SLC16A14: variants seen among roughly 807,000 people sequenced by gnomAD.
SLC16A14 encodes solute carrier family 16 member 14.
A neutral mutation model predicts 35.8 loss-of-function variants in SLC16A14; 14 were observed. The ratio of observed to expected loss-of-function variants is 0.39; its 90% CI spans 0.26 to 0.61. SLC16A14 has a LOEUF of 0.61. SLC16A14 is among the 20% of genes least tolerant of loss of function. The pLI is 0.51. For synonymous variants in SLC16A14, 248 were observed against 258.9 expected (o/e 0.96, Z 0.40); for missense variants, 533 against 655.0 (o/e 0.81, Z 2.03).
At chr2:230,053,137 T>C (rs1216000830) in intron 2 of SLC16A14, among the ~76,000 whole-genome samples, 1 of 152,118 alleles carries the variant, frequency 6.6e-6, no homozygotes, top group Non-Finnish European at 1.5e-5. Context: ...GAGACAGGGT[T>C]TCACCATGTT....
At chr2:230,063,656 T>C in intron 1 of SLC16A14, among the ~76,000 whole-genome samples, 1 of 152,196 alleles carries the variant, frequency 6.6e-6, no homozygotes, top group Non-Finnish European at 1.5e-5. Context: ...TTTTGACATA[T>C]GTAATAATCT....
rs1004466007 is a variant in SLC16A14 at position 230,068,811 on chromosome 2, C to G, written c.-271G>C. On this transcript the variant is annotated 5_prime_UTR_variant, in exon 1 of 5. Coordinates refer to ENST00000295190, the MANE Select transcript of SLC16A14 (RefSeq NM_152527.5). This position sits in a 1 kb window ranked among gnomAD's most constrained non-coding sequence, Gnocchi z 5.1. ...GGAGCTGAAAGCTCGACGCCTCAGT[C>G]CAGGTGGCTTTAAAACGGGTGCGTT... is the stretch of plus-strand genomic sequence containing the variant. 2.0e-4 allele frequency: 31 copies of G among 152,666 alleles called. 1 individual carries two copies. Among genetic ancestry groups the G allele is most frequent in the African/African-American group, 6.5e-4 (27 of 41,552 alleles). 9.5% of individuals were successfully genotyped at this position (152,666 alleles called of 1,614,324 possible).
intron 2 of SLC16A14, among the ~76,000 whole-genome samples, chr2:230,051,242 C>G (rs369154616): frequency 2.6e-5 from 4 of 152,152 alleles, no homozygotes; most frequent in Non-Finnish European, 4.4e-5. Flanking sequence ...CTCACTGCAG[C>G]CTTCACCTCC....
chr2:230,060,043 C>T (rs1052125453), intron 1 of SLC16A14, among the ~76,000 whole-genome samples: 3 of 152,172 alleles, frequency 2.0e-5, no homozygotes, highest in African/African-American at 4.8e-5. Flanking sequence ...AACCCCATTC[C>T]TAGTATTTAC....
chr2:230,058,989 G>A, intron 2 of SLC16A14, 105 bp downstream of exon 2: 1 of 1,486,748 alleles, frequency 6.7e-7, no homozygotes, highest in Non-Finnish European at 8.9e-7. Context: ...ATAGTAGCTA[G>A]TAACATCCAA....
chr2:230,054,919 A>G (rs2077692742), intron 2 of SLC16A14, among the ~76,000 whole-genome samples: 1 of 152,116 alleles, frequency 6.6e-6, no homozygotes, highest in African/African-American at 2.4e-5. Context: ...AAGAAGAAGA[A>G]AAAAAGAAAA....
chr2:230,058,885 G>T, intron 2 of SLC16A14: 1 of 515,610 alleles, frequency 1.9e-6, no homozygotes, highest in Non-Finnish European at 2.5e-6. Context: ...CACCCAACTT[G>T]GCCTCCCAAA....
chr2:230,041,629 C>G (rs2106243876), intron 4 of SLC16A14, among the ~76,000 whole-genome samples: 1 of 152,196 alleles, frequency 6.6e-6, no homozygotes, highest in South Asian at 2.1e-4. Flanking sequence ...CGCACCCAGC[C>G]TATATTACAT....
chr2:230,049,236 A>T (rs1392975497), intron 3 of SLC16A14, among the ~76,000 whole-genome samples: 1 of 141,538 alleles, frequency 7.1e-6, no homozygotes. Context: ...CACTTGGCTA[A>T]TTTTTTTTTT....
chr2:230,066,638 ATT>A (rs10626276), intron 1 of SLC16A14: 968 of 375,576 alleles, frequency 2.6e-3, no homozygotes, highest in Admixed American at 5.7e-3. Context: ...CAAGCAAGTC[ATT>A]TTTTTTTTTT....
intron 1 of SLC16A14, among the ~76,000 whole-genome samples, chr2:230,065,330 C>T (rs957485841): frequency 2.0e-5 from 3 of 152,038 alleles, no homozygotes; most frequent in Non-Finnish European, 4.4e-5. Context: ...GATCTCGGCT[C>T]ATTGCAACCT....
chr2:230,048,930 A>AG, intron 3 of SLC16A14, among the ~76,000 whole-genome samples: 1 of 133,122 alleles, frequency 7.5e-6, no homozygotes, highest in African/African-American at 2.7e-5. Flanking sequence ...TCTCAAAAAA[A>AG]AAAAAAAAAA....
intron 1 of SLC16A14, among the ~76,000 whole-genome samples, chr2:230,062,348 C>CTTTT (rs374870184): frequency 7.8e-6 from 1 of 127,680 alleles, no homozygotes; most frequent in African/African-American, 2.9e-5. Flanking sequence ...TTGTTTTTAC[C>CTTTT]TTTTTTTTTT....
chr2:230,037,370 T>G lies in SLC16A14; in HGVS notation c.*10A>C, dbSNP rs1475452353. 1 of 1,590,094 alleles carries G rather than the reference T, an allele frequency of 6.3e-7. No homozygotes were observed. On this transcript the variant is annotated 3_prime_UTR_variant, in exon 5 of 5. Coordinates refer to ENST00000295190, the MANE Select transcript of SLC16A14 (RefSeq NM_152527.5). ...ATTACAATGAAACCTACACGGAACA[T>G]TACATGATACTAAACATGTGCACCA...
rs569655491 is a variant in SLC16A14, at chr2:230,035,257, T to C, written c.*2123A>G. On this transcript the variant is annotated 3_prime_UTR_variant, in exon 5 of 5. Coordinates refer to ENST00000295190, the MANE Select transcript of SLC16A14 (RefSeq NM_152527.5). Reference sequence around the variant, plus strand: ...AGAAGTCACCACTTTCAAAACATAGTAAGTCAACACACAACTGTACAAACT... The same window carrying C: ...AGAAGTCACCACTTTCAAAACATAGCAAGTCAACACACAACTGTACAAACT... 7 of 152,616 alleles carry C rather than the reference T, an allele frequency of 4.6e-5. No individual in the cohort carries two copies. The East Asian group carries it at 1.4e-3, about 29-fold the overall frequency. 9.5% of individuals were successfully genotyped at this position (152,616 alleles called of 1,614,324 possible).
chr2:230,049,797 C>A lies in SLC16A14; in HGVS notation c.367G>T (p.Val123Leu). 6.2e-7 allele frequency: 1 copy of A among 1,614,144 alleles called. No homozygotes were observed. The highest frequency in any genetic ancestry group is 8.5e-7 in the Non-Finnish European group (1 of 1,180,014). The change falls in exon 3 of 5, where the codon GTG (valine) becomes TTG (leucine). Residue 123 changes from valine (V) to leucine (L), a missense_variant. By Grantham distance (32) the Val-to-Leu change is conservative (BLOSUM62 1). Coordinates refer to ENST00000295190, the MANE Select transcript of SLC16A14 (RefSeq NM_152527.5). ...GWVLSAYAAN[V>L]HYLFITFGVA... is the part of the protein sequence containing the mutation. ...CCAAAAGTAATGAAGAGATAATGCA[C>A]GTTTGCAGCATAGGCACTCAACACC...
At chr2:230,049,092 CAG>C (rs2077635107) in intron 3 of SLC16A14, among the ~76,000 whole-genome samples, 2 of 128,134 alleles carry the variant, frequency 1.6e-5, no homozygotes, top group Non-Finnish European at 3.1e-5. Flanking sequence ...ATTATTGAGA[CAG>C]AGTCTTACTC....
chr2:230,057,253 C>G (rs1306872720), intron 2 of SLC16A14, among the ~76,000 whole-genome samples: 2 of 152,066 alleles, frequency 1.3e-5, no homozygotes, highest in Non-Finnish European at 2.9e-5. Context: ...GATGCTTATT[C>G]AATATTAATT....
At chr2:230,044,742 G>GTATA (rs1186589451) in intron 4 of SLC16A14, among the ~76,000 whole-genome samples, 13 of 141,214 alleles carry the variant, frequency 9.2e-5, no homozygotes, top group East Asian at 8.6e-4. Context: ...GTGTGTATGT[G>GTATA]TGTGTGTGTG....
Sources: allele counts gnomAD v4.1 joint callset (sites outside exome capture counted in the v4.1 genomes callset), GRCh38; gene constraint gnomAD v4.1.1; non-coding constraint Gnocchi (gnomAD v3.1); transcripts MANE v1.5; gene names NCBI Gene and HGNC (gene_info 2026-07-23, HGNC 2026-07-21).